MPP7: variants seen among roughly 807,000 people sequenced by gnomAD.
MPP7 encodes MAGUK p55 scaffold protein 7.
In MPP7, 60 loss-of-function variants were observed where a neutral mutation model predicts 76.5. The ratio of observed to expected loss-of-function variants is 0.78; its 90% CI spans 0.64 to 0.97. The LOEUF is 0.97. MPP7 is among the 50% of genes least tolerant of loss of function. The pLI is 0.00. For synonymous variants in MPP7, 237 were observed against 244.5 expected (o/e 0.97, Z 0.29); for missense variants, 641 against 694.0 (o/e 0.92, Z 0.86).
intron 3 of MPP7, among the ~76,000 whole-genome samples, chr10:28,176,849 G>A (rs542020168): frequency 7.1e-6 from 1 of 140,864 alleles, no homozygotes; most frequent in East Asian, 2.3e-4. Flanking sequence ...GACACAGGAC[G>A]GGGAACATCA....
chr10:28,138,781 G>T (rs1355936707), intron 5 of MPP7, among the ~76,000 whole-genome samples: 1 of 152,180 alleles, frequency 6.6e-6, no homozygotes, highest in African/African-American at 2.4e-5. Context: ...TGAAAGAAAA[G>T]TTTGAATGTC....
intron 1 of MPP7, among the ~76,000 whole-genome samples, chr10:28,239,718 G>A (rs1310129131): frequency 6.6e-6 from 1 of 152,000 alleles, no homozygotes; most frequent in African/African-American, 2.4e-5. Flanking sequence ...CCTCAAATAA[G>A]CAGTAAAGGC....
intron 5 of MPP7, among the ~76,000 whole-genome samples, chr10:28,133,137 GCCAT>G (rs1564649378): frequency 1.3e-5 from 2 of 152,154 alleles, no homozygotes; most frequent in Non-Finnish European, 2.9e-5. Context: ...GATTATGGAT[GCCAT>G]CATTTTTTGC....
intron 2 of MPP7, among the ~76,000 whole-genome samples, chr10:28,220,856 T>A (rs991069728): frequency 6.6e-6 from 1 of 152,138 alleles, no homozygotes; most frequent in Non-Finnish European, 1.5e-5. Flanking sequence ...ATAAAAAACA[T>A]CAAGCACAAG....
In MPP7 at chr10:28,229,617, C is replaced by T. The variant is rs7477815; in HGVS notation, c.37+8951G>A. On this transcript the variant is annotated intron_variant, in intron 2 of 16. Transcript: ENST00000683449. ...TAAAACTGTGACAATGGGCCAGGCA[C>T]GGTGGCTCATGCCTGTAATCCCAGC... Among the ~76,000 whole-genome samples the T allele has an allele frequency of 7.5e-3, 1,134 of 152,170 alleles. 15 individuals are homozygous for T. Among genetic ancestry groups the T allele is most frequent in the African/African-American group, 0.026 (1,063 of 41,504 alleles).
intron 2 of MPP7, among the ~76,000 whole-genome samples, chr10:28,313,364 G>A (rs969966487): frequency 5.3e-5 from 8 of 152,026 alleles, no homozygotes; most frequent in Non-Finnish European, 1.2e-4. Context: ...AAATTAGCTG[G>A]GCGTGGTGAC....
At chr10:28,065,614 A>G (rs12246919) in intron 13 of MPP7, among the ~76,000 whole-genome samples, 2,267 of 152,328 alleles carry the variant, frequency 0.015, 57 homozygotes, top group African/African-American at 0.051. Flanking sequence ...AAGGCAAAAT[A>G]GAAAACAAAA....
rs117908040 is a variant in MPP7 at position 28,212,534 on chromosome 10, A to G, written c.38-10263T>C. ...GTCACCAGACTGCTCTGGACTGAAAACTTAATCCCTGGGAATCACTGGCAC... is the reference window on the plus strand; with the variant it reads ...GTCACCAGACTGCTCTGGACTGAAAGCTTAATCCCTGGGAATCACTGGCAC... On this transcript the variant is annotated intron_variant, in intron 2 of 16. Transcript: ENST00000683449. 7.6e-4 allele frequency among the ~76,000 whole-genome samples: 116 copies of G among 152,236 alleles called. 1 individual carries two copies. In the East Asian group the frequency reaches 0.02, roughly 26 times the overall value.
intron 11 of MPP7, among the ~76,000 whole-genome samples, chr10:28,109,553 A>C (rs1834429997): frequency 6.6e-6 from 1 of 152,044 alleles, no homozygotes; most frequent in Non-Finnish European, 1.5e-5. Flanking sequence ...TAACCAAAGC[A>C]CACTAGGAAA....
At chr10:28,262,273 A>T (rs1290413156) in intron 1 of MPP7, among the ~76,000 whole-genome samples, 552 of 54,818 alleles carry the variant, frequency 0.01, 45 homozygotes, top group South Asian at 0.016. Flanking sequence ...ATATATATAT[A>T]TATATTTTTT....
At chr10:28,062,317 G>C (rs1432371539) in intron 13 of MPP7, among the ~76,000 whole-genome samples, 1 of 152,046 alleles carries the variant, frequency 6.6e-6, no homozygotes, top group Non-Finnish European at 1.5e-5. Flanking sequence ...TGAATGGTTA[G>C]ATATGCATAC....
chr10:28,278,171 A>G (rs1448006237), intron 1 of MPP7, among the ~76,000 whole-genome samples: 2 of 152,100 alleles, frequency 1.3e-5, no homozygotes, highest in East Asian at 3.8e-4. Flanking sequence ...ATAGCATAAC[A>G]CTTTCCCACA....
At chr10:28,279,355 C>T (rs1564753387) in intron 1 of MPP7, among the ~76,000 whole-genome samples, 1 of 152,048 alleles carries the variant, frequency 6.6e-6, no homozygotes, top group Non-Finnish European at 1.5e-5. Flanking sequence ...GTTAGTGGAT[C>T]TTTTTCCTTC....
At chr10:28,119,948 T>C (rs17831062) in intron 10 of MPP7, among the ~76,000 whole-genome samples, 6,291 of 152,062 alleles carry the variant, frequency 0.041, 266 homozygotes, top group East Asian at 0.11. Context: ...TCAACATGGT[T>C]TCAAGATATT....
At chr10:28,120,732 G>A (rs1331748204) in intron 8 of MPP7, 64 bp from the exon 9 acceptor site, 12 of 1,307,578 alleles carry the variant, frequency 9.2e-6, no homozygotes, top group Non-Finnish European at 1.3e-5. Context: ...AGGTAAAATA[G>A]GTAGAAAGTG....
At chr10:28,242,089 C>T (rs951890291) in intron 1 of MPP7, among the ~76,000 whole-genome samples, 4 of 152,174 alleles carry the variant, frequency 2.6e-5, no homozygotes, top group Admixed American at 2.0e-4. Context: ...TATACACACA[C>T]ACACAGTTAA....
Position 28,262,259 on chromosome 10 carries a change from GTATA to G in MPP7, c.-131-23528_-131-23525del, listed in dbSNP as rs71391025. ...TATATATATACATATATATATATAT[GTATA>G]TATATATATATATATTTTTTTTTTT... is the stretch of plus-strand genomic sequence containing the variant. On this transcript the variant is annotated intron_variant, in intron 1 of 16. Coordinates refer to ENST00000683449, the MANE Select transcript of MPP7 (RefSeq NM_001318170.2). 1.4e-3 allele frequency among the ~76,000 whole-genome samples: 20 copies of G among 13,856 alleles called. 4 individuals carry two copies. The highest frequency in any genetic ancestry group is 3.9e-3 in the Admixed American group (4 of 1,018). The allele number at this position is 13,856 out of a possible 152,430, so 9.1% of individuals were successfully genotyped here. A position where few individuals can be genotyped will look rare whatever the true frequency, so the allele number is the denominator to read the frequency against.
chr10:28,128,131 A>C (rs1564646403), intron 6 of MPP7, among the ~76,000 whole-genome samples: 1 of 152,140 alleles, frequency 6.6e-6, no homozygotes, highest in Non-Finnish European at 1.5e-5. Flanking sequence ...GGGAACATGC[A>C]AGGTTGTGAA....
chr10:28,105,136 G>A (rs999008418), intron 11 of MPP7, among the ~76,000 whole-genome samples: 6 of 108,334 alleles, frequency 5.5e-5, no homozygotes, highest in African/African-American at 1.1e-4. Context: ...CCTGGCGACA[G>A]AGTGAGACTC....
Sources: allele counts gnomAD v4.1 joint callset (sites outside exome capture counted in the v4.1 genomes callset), GRCh38; gene constraint gnomAD v4.1.1; transcripts MANE v1.5; gene names NCBI Gene and HGNC (gene_info 2026-07-23, HGNC 2026-07-21).